AMZ2: variants seen among roughly 807,000 people sequenced by gnomAD.
AMZ2 encodes the protein archaelysin family metallopeptidase 2, also known as archaemetzincin-2.
Under a neutral mutation model 36.7 loss-of-function variants are expected in AMZ2, and 26 were observed. The observed-to-expected ratio is 0.71, with a 90% CI of 0.52 to 0.98. The LOEUF (loss-of-function observed/expected upper bound fraction) is 0.98. Ranked by LOEUF, AMZ2 falls within the 50% of genes least tolerant of loss-of-function variation. The pLI is 0.00. For missense variants in AMZ2, 394 were observed against 430.5 expected (o/e 0.92, Z 0.75); for synonymous variants, 144 against 149.1 (o/e 0.97, Z 0.25).
chr17:68,236,932 C>G (rs1555732728), intron 1 of AMZ2, among the ~76,000 whole-genome samples: 1 of 152,158 alleles, frequency 6.6e-6, no homozygotes, highest in African/African-American at 2.4e-5. Flanking sequence ...TAAATAGCTT[C>G]AAATTATATA....
At chr17:68,224,976 G>A (rs1392777159) in intron 1 of AMZ2, among the ~76,000 whole-genome samples, 2 of 150,624 alleles carry the variant, frequency 1.3e-5, no homozygotes, top group African/African-American at 4.9e-5. Flanking sequence ...TCGGGAGTTC[G>A]AGACCAGCCT....
chr17:68,231,327 T>C (rs1254338006), intron 1 of AMZ2, among the ~76,000 whole-genome samples: 1 of 152,144 alleles, frequency 6.6e-6, no homozygotes, highest in Non-Finnish European at 1.5e-5. Flanking sequence ...TGCCTCAGCC[T>C]CTCAAAGTAC....
At chr17:68,246,911 A>C (rs1315389934), upstream of AMZ2, 1 of 152,296 alleles carries the variant, frequency 6.6e-6, no homozygotes, top group Non-Finnish European at 1.5e-5. Flanking sequence ...GCTTGACTTC[A>C]AAATAACAGG....
intron 1 of AMZ2, among the ~76,000 whole-genome samples, chr17:68,231,220 C>T (rs547036599): frequency 3.9e-5 from 6 of 152,068 alleles, no homozygotes; most frequent in East Asian, 3.9e-4. Flanking sequence ...TGTGCCACCA[C>T]GCTCGGCTAA....
chr17:68,227,204 C>G (rs1232691673), intron 1 of AMZ2, among the ~76,000 whole-genome samples: 1 of 152,172 alleles, frequency 6.6e-6, no homozygotes, highest in African/African-American at 2.4e-5. Flanking sequence ...TGTCACAGAC[C>G]TGCTCCGTGA....
At chr17:68,206,505 C>T (rs1433560926) in intron 1 of AMZ2, 2 of 165,200 alleles carry the variant, frequency 1.2e-5, no homozygotes, top group African/African-American at 4.8e-5. Context: ...TCCTCTTTTT[C>T]CTCTTCAAAA....
chr17:68,237,386 T>C (rs535683055), intron 1 of AMZ2, among the ~76,000 whole-genome samples: 1 of 152,358 alleles, frequency 6.6e-6, no homozygotes, highest in Admixed American at 6.5e-5. Context: ...TGTCCTTCGT[T>C]ACGCTGATGC....
intron 1 of AMZ2, among the ~76,000 whole-genome samples, chr17:68,220,239 T>G (rs2073312157): frequency 6.6e-6 from 1 of 152,222 alleles, no homozygotes; most frequent in African/African-American, 2.4e-5. Context: ...ACAAAGAGCA[T>G]TGGTTACTTT....
intron 1 of AMZ2, chr17:68,206,263 A>G: frequency 2.3e-6 from 3 of 1,297,008 alleles, no homozygotes; most frequent in Non-Finnish European, 2.0e-6. Flanking sequence ...CAGTTGCTGC[A>G]GACTCCTTCC....
In AMZ2 at chr17:68,251,118, A is replaced by T; in HGVS notation, c.526A>T (p.Ile176Phe). The T allele has an allele frequency of 6.2e-7, 1 of 1,613,958 alleles. No homozygotes were observed. Among genetic ancestry groups the T allele is most frequent in the Non-Finnish European group, 8.5e-7 (1 of 1,179,980 alleles). ...DAFCVVGITM[I>F]DLYPRDSWNF... is the part of the protein sequence containing the mutation. ...CTTCTGTGTTGTGGGAATAACAATG[A>T]TTGATCTTTACCCAAGAGACTCGTG... Residue 176 changes from isoleucine (I) to phenylalanine (F), a missense_variant, in exon 4 of 7, where the codon ATT becomes TTT. Physicochemically the swap from Ile to Phe is conservative, Grantham distance 21. Coordinates refer to ENST00000359904, the MANE Select transcript of AMZ2 (RefSeq NM_016627.5).
At chr17:68,211,497 C>T (rs1324428218) in intron 1 of AMZ2, among the ~76,000 whole-genome samples, 4 of 111,498 alleles carry the variant, frequency 3.6e-5, no homozygotes, top group African/African-American at 5.1e-5. Context: ...AGCAAGATTC[C>T]GTCTTAAAAA....
At chr17:68,222,570 G>A (rs1490613515) in intron 1 of AMZ2, among the ~76,000 whole-genome samples, 1 of 152,180 alleles carries the variant, frequency 6.6e-6, no homozygotes, top group Non-Finnish European at 1.5e-5. Context: ...TCACCATAAT[G>A]TAGAATCAGT....
Position 68,248,574 on chromosome 17 carries a change from C to T in AMZ2, c.-132C>T. ...ATTAGGCTTGGGAGGCAAGAGGAGG[C>T]CTCCTGACCTTTCACACTGCCTTTT... On this transcript the variant is annotated 5_prime_UTR_variant, in exon 1 of 7. Transcript: ENST00000359904. 1 of 986,032 alleles carries T rather than the reference C, an allele frequency of 1.0e-6. No individual in the cohort carries two copies. Among genetic ancestry groups the T allele is most frequent in the African/African-American group, 1.7e-5 (1 of 57,384 alleles). The allele number at this position is 986,032 out of a possible 1,614,324, so 61.1% of individuals were successfully genotyped here. A position where few individuals can be genotyped will look rare whatever the true frequency, so the allele number is the denominator to read the frequency against.
At chr17:68,227,526 G>A (rs2005777) in intron 1 of AMZ2, among the ~76,000 whole-genome samples, 18,992 of 152,252 alleles carry the variant, frequency 0.12, 1,518 homozygotes, top group East Asian at 0.29. Context: ...TGCACTGGCT[G>A]CGGGCTCCAG....
Position 68,254,421 on chromosome 17 carries a change from T to G in AMZ2, c.604T>G (p.Phe202Val). ...SLTDGVGIFSFARYGSDFYSM... is the reference protein window; with the variant it reads ...SLTDGVGIFSVARYGSDFYSM... Reference sequence around the variant, plus strand: ...TTTTGTAGGTGTGGGGATATTCAGCTTTGCCAGGTATGGCAGTGATTTTTA... The same window carrying G: ...TTTTGTAGGTGTGGGGATATTCAGCGTTGCCAGGTATGGCAGTGATTTTTA... Residue 202 changes from phenylalanine to valine, a missense_variant, in exon 5 of 7, where the codon TTT (phenylalanine) becomes GTT (valine). Coordinates refer to ENST00000359904, the MANE Select transcript of AMZ2 (RefSeq NM_016627.5). The G allele has an allele frequency of 6.2e-6, 10 of 1,612,512 alleles. No homozygotes were observed. The highest frequency in any genetic ancestry group is 8.5e-6 in the Non-Finnish European group (10 of 1,179,814).
At chr17:68,231,489 T>C (rs1599341974) in intron 1 of AMZ2, among the ~76,000 whole-genome samples, 2 of 101,046 alleles carry the variant, frequency 2.0e-5, no homozygotes, top group East Asian at 6.2e-4. Flanking sequence ...AAAGAAGTCC[T>C]GCTTCAACAT....
chr17:68,251,560 A>T (rs1383344124), intron 4 of AMZ2, among the ~76,000 whole-genome samples: 8 of 152,184 alleles, frequency 5.3e-5, no homozygotes, highest in African/African-American at 1.9e-4. Context: ...CTAGCTACGC[A>T]GGAGGCTGAG....
At chr17:68,212,192 G>A (rs183294909) in intron 1 of AMZ2, among the ~76,000 whole-genome samples, 10 of 152,162 alleles carry the variant, frequency 6.6e-5, no homozygotes, top group Admixed American at 5.2e-4. Flanking sequence ...GCAACATATC[G>A]ACACCCCCTT....
In AMZ2 at chr17:68,257,031, T is replaced by G; in HGVS notation, c.*62T>G. ...CTTGCATGTTATGCTTTCATTTGGG[T>G]GGAATACTTCATTGGAATAAACTAC... On this transcript the variant is annotated 3_prime_UTR_variant, in exon 7 of 7. Transcript: ENST00000359904. The G allele has an allele frequency of 6.5e-7, 1 of 1,544,622 alleles. No homozygotes were observed. Among genetic ancestry groups the G allele is most frequent in the Non-Finnish European group, 8.8e-7 (1 of 1,132,888 alleles).
Sources: gnomAD v4.1 joint callset for allele counts (sites outside exome capture counted in the v4.1 genomes callset) on GRCh38, gnomAD v4.1.1 for gene constraint, MANE v1.5 for transcripts, NCBI Gene and HGNC (gene_info 2026-07-23, HGNC 2026-07-21) for gene names.